Variants in BTNL8 observed in about 807,000 individuals in gnomAD.
BTNL8 encodes butyrophilin-like protein 8.
In BTNL8, 22 loss-of-function variants were observed where a neutral mutation model predicts 36.1. The ratio of observed to expected loss-of-function variants is 0.61; its 90% CI spans 0.44 to 0.87. BTNL8 has a LOEUF of 0.87. Ranked by LOEUF, BTNL8 falls within the 40% of genes least tolerant of loss-of-function variation. The probability of loss-of-function intolerance (pLI) is 0.00; values close to 1 mark genes in which losing one functional copy is unlikely to be tolerated. For synonymous variants in BTNL8, 203 were observed against 235.6 expected, an observed-to-expected ratio of 0.86 and a Z score of 1.27; for missense variants, 526 against 616.9, an observed-to-expected ratio of 0.85 and a Z score of 1.56.
intron 3 of BTNL8, among the ~76,000 whole-genome samples, chr5:180,914,471 G>A (rs1757536061): frequency 6.6e-6 from 1 of 152,178 alleles, no homozygotes. Context: ...AGACTGGTAT[G>A]ATTCAAACGA....
intron 3 of BTNL8, among the ~76,000 whole-genome samples, chr5:180,943,163 C>G (rs1388464229): frequency 8.2e-6 from 1 of 121,320 alleles, no homozygotes; most frequent in Non-Finnish European, 1.6e-5. Context: ...GAGGCAGAGT[C>G]TCGCTCTGTC....
At position 180,947,636 on chromosome 5, in the gene BTNL8, G is replaced by A. The variant is rs1312885678; in HGVS notation, c.787+11G>A. ...TCTCCAAATTCCAGTGTAAGCGAGAGAGAGAAGCATGGGCCGGTGCCTTAT... is the reference window on the plus strand; with the variant it reads ...TCTCCAAATTCCAGTGTAAGCGAGAAAGAGAAGCATGGGCCGGTGCCTTAT... On this transcript the variant is annotated intron_variant, in intron 4 of 7. Coordinates refer to ENST00000340184, the MANE Select transcript of BTNL8 (RefSeq NM_001040462.3). 1.2e-6 allele frequency: 2 copies of A among 1,614,126 alleles called. No individual in the cohort carries two copies. Among genetic ancestry groups the A allele is most frequent in the Non-Finnish European group, 1.7e-6 (2 of 1,180,046 alleles).
At position 180,950,244 on chromosome 5, in the gene BTNL8, G is replaced by A; in HGVS notation, c.1203G>A (p.Arg401=). Residue 401 remains arginine (R), a synonymous_variant, in exon 8 of 8, where the codon AGG becomes AGA. Transcript: ENST00000340184. The stretch of plus-strand genomic sequence containing the variant: ...CCCGTTTTATCAGCGTCTTCCCCAG[G>A]ACCCCACCTACAAAAATAGGGGTCT... ...LNPRFISVFP[R]TPPTKIGVFL... is the part of the protein sequence containing the mutation. 1 of 1,463,234 alleles carries A rather than the reference G, an allele frequency of 6.8e-7. No homozygotes were observed. 90.6% of individuals were successfully genotyped at this position (1,463,234 alleles called of 1,614,324 possible). A position where few individuals can be genotyped will look rare whatever the true frequency, so the allele number is the denominator to read the frequency against.
At chr5:180,902,296 T>C in intron 1 of BTNL8, 1 of 1,492,810 alleles carries the variant, frequency 6.7e-7, no homozygotes, top group South Asian at 1.2e-5. Context: ...CTGGATAACA[T>C]GGTTTTCTCA....
chr5:180,927,541 A>G (rs1758161925), intron 3 of BTNL8, among the ~76,000 whole-genome samples: 1 of 152,194 alleles, frequency 6.6e-6, no homozygotes, highest in African/African-American at 2.4e-5. Flanking sequence ...TTTGAGCTAA[A>G]GGAGCATGTT....
intron 3 of BTNL8, among the ~76,000 whole-genome samples, chr5:180,941,914 T>TTTTTTTTTTTTTTTTTTTTTTTTTAG (rs1281454934): frequency 4.0e-5 from 6 of 150,974 alleles, no homozygotes; most frequent in Admixed American, 1.3e-4. Context: ...TTACTACTCT[T>TTTTTTTTTTTTTTTTTTTTTTTTTAG]ATTCAACAAA....
intron 1 of BTNL8, among the ~76,000 whole-genome samples, chr5:180,901,752 T>C (rs1756830057): frequency 6.6e-6 from 1 of 152,014 alleles, no homozygotes; most frequent in African/African-American, 2.4e-5. Context: ...TTAAAAAAAA[T>C]GAAGGCAAGA....
At chr5:180,943,195 C>T (rs1017946620) in intron 3 of BTNL8, among the ~76,000 whole-genome samples, 8 of 134,646 alleles carry the variant, frequency 5.9e-5, no homozygotes, top group East Asian at 2.2e-4. Context: ...AGTGCAATGG[C>T]GCAATCTTGG....
intron 3 of BTNL8, among the ~76,000 whole-genome samples, chr5:180,947,287 T>G (rs1219977115): frequency 6.6e-6 from 1 of 152,212 alleles, no homozygotes; most frequent in Admixed American, 6.5e-5. Flanking sequence ...TGTAAAGGAA[T>G]GTCCATTCAA....
intron 3 of BTNL8, among the ~76,000 whole-genome samples, chr5:180,917,070 G>A (rs7724236): frequency 0.34 from 36,816 of 106,766 alleles, 6,436 homozygotes; most frequent in African/African-American, 0.41. Context: ...ATAACCTAGC[G>A]GAAACCAAAG....
chr5:180,909,849 C>T (rs17704291), intron 2 of BTNL8: 38,111 of 152,276 alleles, frequency 0.25, 5,210 homozygotes, highest in Admixed American at 0.31. Flanking sequence ...GCTGCTCTGA[C>T]GGTAGTGGAT....
chr5:180,945,349 A>G (rs1213269075), intron 3 of BTNL8, among the ~76,000 whole-genome samples: 1 of 152,244 alleles, frequency 6.6e-6, no homozygotes, highest in Non-Finnish European at 1.5e-5. Context: ...ACCTGCAACT[A>G]TAAAACTGCT....
intron 3 of BTNL8, among the ~76,000 whole-genome samples, chr5:180,923,054 C>A (rs1223199863): frequency 1.3e-5 from 2 of 152,138 alleles, no homozygotes; most frequent in African/African-American, 4.8e-5. Flanking sequence ...TTTCCTACAT[C>A]CCTTTATTTT....
chr5:180,917,999 A>T (rs1757715447), intron 3 of BTNL8, among the ~76,000 whole-genome samples: 1 of 150,362 alleles, frequency 6.7e-6, no homozygotes, highest in Admixed American at 6.6e-5. Context: ...ACTGCACTCC[A>T]GCCTGGGTGA....
At chr5:180,942,460 C>A (rs1389409702) in intron 3 of BTNL8, among the ~76,000 whole-genome samples, 1 of 152,144 alleles carries the variant, frequency 6.6e-6, no homozygotes, top group Non-Finnish European at 1.5e-5. Context: ...TCATATGGAG[C>A]CACAAAAGAC....
intron 1 of BTNL8, among the ~76,000 whole-genome samples, chr5:180,900,960 G>T (rs966728086): frequency 8.5e-5 from 13 of 152,210 alleles, no homozygotes; most frequent in East Asian, 3.9e-4. Context: ...TTCCAAGGGT[G>T]GCAGGAAGCC....
Position 180,899,213 on chromosome 5 carries a change from C to A in BTNL8, c.-98C>A. 6.8e-7 allele frequency: 1 copy of A among 1,470,266 alleles called. No homozygotes were observed. The highest frequency in any genetic ancestry group is 9.5e-7 in the Non-Finnish European group (1 of 1,052,782). The allele number at this position is 1,470,266 out of a possible 1,614,324, so 91.1% of individuals were successfully genotyped here. A position where few individuals can be genotyped will look rare whatever the true frequency, so the allele number is the denominator to read the frequency against. ...CAGAGCCTCTCCGTGGCTTCCGCAC[C>A]TTGAGCATTAGGCCAGTTCTCCTCT... On this transcript the variant is annotated 5_prime_UTR_variant, in exon 1 of 8. Transcript: ENST00000340184.
At chr5:180,934,034 C>T (rs1347461737) in intron 3 of BTNL8, among the ~76,000 whole-genome samples, 3 of 151,678 alleles carry the variant, frequency 2.0e-5, no homozygotes, top group Admixed American at 2.0e-4. Flanking sequence ...TGCAAAAATT[C>T]CACCCCCCAC....
intron 3 of BTNL8, among the ~76,000 whole-genome samples, chr5:180,923,937 T>A (rs1442511290): frequency 6.6e-6 from 1 of 152,188 alleles, no homozygotes. Context: ...TATACTCTTA[T>A]TAAGGATTAG....
Sources: gnomAD v4.1 joint callset for allele counts (sites outside exome capture counted in the v4.1 genomes callset) on GRCh38, gnomAD v4.1.1 for gene constraint, MANE v1.5 for transcripts, NCBI Gene and HGNC (gene_info 2026-07-23, HGNC 2026-07-21) for gene names.